The following TCF12 variants were observed in gnomAD, a reference collection of about 807,000 sequenced individuals.
The protein encoded by TCF12 is transcription factor 12.
TCF12 carries 45 observed loss-of-function variants against 86.0 expected under a neutral mutation model. That is an observed-to-expected ratio of 0.52 (90% confidence interval 0.41 to 0.67). The LOEUF (loss-of-function observed/expected upper bound fraction) is 0.67. Among genes scored for constraint, TCF12 ranks in the 30% least tolerant of loss-of-function variants. TCF12 has a pLI of 0.00. For missense variants in TCF12, 881 were observed against 859.9 expected (o/e 1.02, Z -0.31); for synonymous variants, 330 against 299.6 (o/e 1.10, Z -1.05).
At chr15:57,079,868 A>C (rs1283344444) in intron 4 of TCF12, among the ~76,000 whole-genome samples, 1 of 152,136 alleles carries the variant, frequency 6.6e-6, no homozygotes, top group Admixed American at 6.6e-5. Context: ...CTGAAGAGAT[A>C]TTTTCTTTAA....
intron 3 of TCF12, among the ~76,000 whole-genome samples, chr15:56,996,352 C>T (rs1008878972): frequency 2.0e-5 from 3 of 152,140 alleles, no homozygotes; most frequent in Admixed American, 2.0e-4. Flanking sequence ...ACACCTACAA[C>T]CATCTGATTG....
In TCF12 at chr15:57,246,167, T is replaced by G. The variant is rs1391942693; in HGVS notation, c.1114+2617T>G. 2.6e-5 allele frequency among the ~76,000 whole-genome samples: 4 copies of G among 152,094 alleles called. No individual in the cohort carries two copies. In the East Asian group the frequency reaches 7.7e-4, roughly 29 times the overall value. ...GTAGAATTGTCCACACTTGCCCTAT[T>G]CCTTATGTTTTTGAGCATCAGTTAG... is the stretch of plus-strand genomic sequence containing the variant. On this transcript the variant is annotated intron_variant, in intron 13 of 20. Coordinates refer to ENST00000333725, the MANE Select transcript of TCF12 (RefSeq NM_207037.2).
chr15:57,186,669 T>C (rs1468123632), intron 6 of TCF12, among the ~76,000 whole-genome samples: 5 of 152,182 alleles, frequency 3.3e-5, no homozygotes, highest in Admixed American at 2.6e-4. Context: ...AAATTACACA[T>C]GAATATCCTT....
rs771283066 is a variant in TCF12 at position 56,974,741 on chromosome 15, G to GGC, written c.148+53644_148+53645dup. ...TGGTCTGTAGTTGAAAAAGTAATGA[G>GGC]GCAGAGTTAGGATTCCAGCCCTAAA... On this transcript the variant is annotated intron_variant, in intron 3 of 20. Transcript: ENST00000333725. Among the ~76,000 whole-genome samples, 21 of 151,994 alleles carry GGC rather than the reference G, an allele frequency of 1.4e-4. 1 individual carries two copies. The highest frequency in any genetic ancestry group is 6.3e-3 in the Middle Eastern group (2 of 316).
At chr15:57,180,492 A>G (rs1418283371) in intron 6 of TCF12, among the ~76,000 whole-genome samples, 8 of 152,182 alleles carry the variant, frequency 5.3e-5, no homozygotes, top group Non-Finnish European at 1.0e-4. Flanking sequence ...CAGTTTATGT[A>G]TTCTGTTATA....
intron 3 of TCF12, among the ~76,000 whole-genome samples, chr15:56,997,119 C>T (rs1053067049): frequency 3.3e-5 from 5 of 152,158 alleles, no homozygotes; most frequent in Non-Finnish European, 5.9e-5. Context: ...AATCTCACTG[C>T]TGGGTATATA....
Position 57,001,546 on chromosome 15 carries a change from G to C in TCF12, c.149-62204G>C, listed in dbSNP as rs139148916. ...AAAATATTCGTTGGATTTGATTGTTGCATGTTTTAGTTTCTTTTCATTTAA... is the reference window on the plus strand; with the variant it reads ...AAAATATTCGTTGGATTTGATTGTTCCATGTTTTAGTTTCTTTTCATTTAA... On this transcript the variant is annotated intron_variant, in intron 3 of 20. Transcript: ENST00000333725. Among the ~76,000 whole-genome samples, 674 of 152,250 alleles carry C rather than the reference G, an allele frequency of 4.4e-3. 7 individuals are homozygous for C. Among genetic ancestry groups the C allele is most frequent in the Admixed American group, 0.021 (322 of 15,290 alleles).
At chr15:57,237,461 A>G (rs2151946506) in intron 12 of TCF12, among the ~76,000 whole-genome samples, 1 of 152,256 alleles carries the variant, frequency 6.6e-6, no homozygotes, top group East Asian at 1.9e-4. Flanking sequence ...GGAATAGACC[A>G]TGACTGATAG....
At chr15:57,234,150 T>C (rs1400290526) in intron 12 of TCF12, 43 bp downstream of exon 12, 1 of 1,440,584 alleles carries the variant, frequency 6.9e-7, no homozygotes, top group East Asian at 2.3e-5. Flanking sequence ...AATTTTACAC[T>C]ACTGAATACA....
At chr15:57,059,117 T>G (rs2068251762) in intron 3 of TCF12, among the ~76,000 whole-genome samples, 1 of 152,240 alleles carries the variant, frequency 6.6e-6, no homozygotes, top group South Asian at 2.1e-4. Flanking sequence ...TATGTTTCCC[T>G]TATTTATGAC....
At chr15:57,203,013 A>G (rs1256833176) in intron 8 of TCF12, among the ~76,000 whole-genome samples, 2 of 152,232 alleles carry the variant, frequency 1.3e-5, no homozygotes, top group African/African-American at 4.8e-5. Context: ...TTGAAGATAT[A>G]TAAAAAAGGA....
At chr15:57,123,221 G>A (rs530518696) in intron 5 of TCF12, among the ~76,000 whole-genome samples, 5 of 152,274 alleles carry the variant, frequency 3.3e-5, no homozygotes, top group South Asian at 2.1e-4. Flanking sequence ...GAGCATGAAC[G>A]AAAATAATTC....
At chr15:56,962,729 G>A (rs2061822243) in intron 3 of TCF12, among the ~76,000 whole-genome samples, 1 of 152,130 alleles carries the variant, frequency 6.6e-6, no homozygotes, top group Non-Finnish European at 1.5e-5. Flanking sequence ...TTCTGATACA[G>A]AATTGCAACT....
chr15:57,113,261 A>C (rs2050620104), intron 5 of TCF12, among the ~76,000 whole-genome samples: 1 of 152,210 alleles, frequency 6.6e-6, no homozygotes, highest in Admixed American at 6.5e-5. Context: ...GGATTAGCTT[A>C]TGCTTGACAT....
chr15:57,262,900 G>C (rs560383940), intron 17 of TCF12, among the ~76,000 whole-genome samples: 2 of 152,248 alleles, frequency 1.3e-5, no homozygotes, highest in South Asian at 2.1e-4. Context: ...GGTCAGACTT[G>C]TTCTTCTAAA....
intron 5 of TCF12, among the ~76,000 whole-genome samples, chr15:57,146,364 G>A (rs1328341902): frequency 1.3e-5 from 2 of 151,974 alleles, no homozygotes; most frequent in Non-Finnish European, 2.9e-5. Flanking sequence ...GAAATTACTA[G>A]ATATACAAAT....
intron 18 of TCF12, 34 bp downstream of exon 18, chr15:57,263,308 C>T (rs751422615): frequency 2.1e-5 from 33 of 1,587,472 alleles, no homozygotes; most frequent in Non-Finnish European, 2.6e-6. Flanking sequence ...AAATTTTATT[C>T]ATTTTCCATA....
intron 7 of TCF12, among the ~76,000 whole-genome samples, chr15:57,197,260 G>T (rs140496047): frequency 0.022 from 3,169 of 145,992 alleles, 50 homozygotes; most frequent in Non-Finnish European, 0.03. Flanking sequence ...GGGTTCAAGT[G>T]ATTCTCCTGC....
chr15:57,032,268 C>G (rs2066245724), intron 3 of TCF12, among the ~76,000 whole-genome samples: 1 of 152,132 alleles, frequency 6.6e-6, no homozygotes, highest in Non-Finnish European at 1.5e-5. Flanking sequence ...AGGAATAATC[C>G]AAATAGTGCT....
Sources: gnomAD v4.1 joint callset for allele counts (sites outside exome capture counted in the v4.1 genomes callset) on GRCh38, gnomAD v4.1.1 for gene constraint, MANE v1.5 for transcripts, NCBI Gene and HGNC (gene_info 2026-07-23, HGNC 2026-07-21) for gene names.